CEP63: variants seen among roughly 807,000 people sequenced by gnomAD.
CEP63 encodes centrosomal protein of 63 kDa.
A neutral mutation model predicts 89.1 loss-of-function variants in CEP63; 84 were observed. The observed-to-expected ratio is 0.94, with a 90% CI of 0.79 to 1.13. The LOEUF is 1.13. Ranked by LOEUF, CEP63 falls within the 50% of genes most tolerant of loss-of-function variation. The pLI is 0.00. For missense variants in CEP63, 838 were observed against 813.3 expected (o/e 1.03, Z -0.37); for synonymous variants, 267 against 272.5 (o/e 0.98, Z 0.20).
the CEP63 span, among the ~76,000 whole-genome samples, chr3:134,771,047 A>G: frequency 6.6e-6 from 1 of 152,344 alleles, no homozygotes; most frequent in East Asian, 1.9e-4. Flanking sequence ...AATACATTTG[A>G]ACGAAGTCAA....
chr3:134,667,820 G>C, the CEP63 span, among the ~76,000 whole-genome samples: 4 of 152,190 alleles, frequency 2.6e-5, no homozygotes, highest in African/African-American at 4.8e-5. Flanking sequence ...GAGCCAAGCA[G>C]CTCTGCTGGG....
intron 6 of CEP63, among the ~76,000 whole-genome samples, chr3:134,544,636 T>TAG (rs1553774709): frequency 6.9e-6 from 1 of 145,228 alleles, no homozygotes; most frequent in Non-Finnish European, 1.5e-5. Flanking sequence ...ATGCTCTAGG[T>TAG]GGGGGGGGGA....
the CEP63 span, among the ~76,000 whole-genome samples, chr3:134,658,538 G>A: frequency 6.6e-6 from 1 of 152,108 alleles, no homozygotes; most frequent in Non-Finnish European, 1.5e-5. Flanking sequence ...TATGTTTGTT[G>A]AACACAGAAA....
At chr3:134,580,832 G>A (rs2110327951) in intron 10 of CEP63, among the ~76,000 whole-genome samples, 1 of 152,330 alleles carries the variant, frequency 6.6e-6, no homozygotes, top group Non-Finnish European at 1.5e-5. Flanking sequence ...CCTGCAACCT[G>A]TAATTATCTT....
intron 10 of CEP63, among the ~76,000 whole-genome samples, chr3:134,584,748 A>G (rs4557201): frequency 1 from 151,612 of 152,188 alleles, 75,523 homozygotes; most frequent in Middle Eastern, 1. Flanking sequence ...GTTTCAGAAG[A>G]AATGGTACCA....
intron 12 of CEP63, among the ~76,000 whole-genome samples, chr3:134,554,991 G>T (rs1014022424): frequency 1.3e-5 from 2 of 152,126 alleles, no homozygotes; most frequent in Non-Finnish European, 2.9e-5. Flanking sequence ...TTAGCCCTTT[G>T]TCAGATGAGT....
intron 2 of CEP63, among the ~76,000 whole-genome samples, chr3:134,495,636 A>G (rs1328748151): frequency 2.0e-5 from 3 of 152,176 alleles, no homozygotes; most frequent in Non-Finnish European, 4.4e-5. Flanking sequence ...GTTACATACT[A>G]GTTACTTAGT....
At chr3:134,527,944 C>T (rs1354984380) in intron 3 of CEP63, among the ~76,000 whole-genome samples, 3 of 152,210 alleles carry the variant, frequency 2.0e-5, no homozygotes, top group Non-Finnish European at 2.9e-5. Flanking sequence ...ATGGCTATCC[C>T]TGGCCATGCC....
the CEP63 span, among the ~76,000 whole-genome samples, chr3:134,702,386 C>CAA: frequency 7.6e-5 from 10 of 130,912 alleles, no homozygotes; most frequent in African/African-American, 2.5e-4. Context: ...TATGTGGAAC[C>CAA]AAAAAAAAAA....
At chr3:134,548,939 C>G in intron 9 of CEP63, 123 bp from the exon 10 acceptor site, 1 of 680,544 alleles carries the variant, frequency 1.5e-6, no homozygotes, top group Admixed American at 2.3e-5. Context: ...TTTTAAATGA[C>G]TGAGGTGATG....
downstream of CEP63, among the ~76,000 whole-genome samples, chr3:134,565,297 G>C (rs1394287604): frequency 6.6e-6 from 1 of 152,124 alleles, no homozygotes; most frequent in South Asian, 2.1e-4. Flanking sequence ...ATCTCAACAA[G>C]TGTAGAAAAA....
At chr3:134,539,074 T>C (rs1329436037) in intron 6 of CEP63, among the ~76,000 whole-genome samples, 1 of 152,190 alleles carries the variant, frequency 6.6e-6, no homozygotes, top group Non-Finnish European at 1.5e-5. Flanking sequence ...CATATAAATG[T>C]ATTTATCCTT....
chr3:134,747,689 G>A, the CEP63 span, among the ~76,000 whole-genome samples: 3 of 152,206 alleles, frequency 2.0e-5, no homozygotes, highest in Admixed American at 2.0e-4. Context: ...GAGCAACTCT[G>A]AAGTGTAGTC....
the CEP63 span, among the ~76,000 whole-genome samples, chr3:134,662,104 C>T: frequency 6.6e-6 from 1 of 152,154 alleles, no homozygotes; most frequent in African/African-American, 2.4e-5. Flanking sequence ...GGGTGAAACC[C>T]TGTCTCTACT....
intron 6 of CEP63, among the ~76,000 whole-genome samples, chr3:134,537,859 C>A (rs563264631): frequency 1.1e-4 from 16 of 152,278 alleles, no homozygotes; most frequent in South Asian, 6.2e-4. Context: ...GGTGTGCACA[C>A]CAACTAAAAG....
At chr3:134,537,936 T>C (rs906398176) in intron 6 of CEP63, among the ~76,000 whole-genome samples, 2 of 152,226 alleles carry the variant, frequency 1.3e-5, no homozygotes, top group African/African-American at 4.8e-5. Flanking sequence ...TGTAATGGCT[T>C]AAGCAAAACC....
intron 1 of CEP63, among the ~76,000 whole-genome samples, chr3:134,491,776 C>T (rs776620209): frequency 1.4e-4 from 22 of 152,150 alleles, no homozygotes; most frequent in Admixed American, 9.2e-4. Flanking sequence ...GTAATGAAAA[C>T]GACACCAAGG....
At chr3:134,536,788 A>T in intron 5 of CEP63, 1 of 325,004 alleles carries the variant, frequency 3.1e-6, no homozygotes, top group Non-Finnish European at 6.0e-6. Flanking sequence ...GGATATCTGT[A>T]ATCATACTTT....
the CEP63 span, among the ~76,000 whole-genome samples, chr3:134,720,149 T>C: frequency 6.6e-6 from 1 of 152,152 alleles, no homozygotes; most frequent in African/African-American, 2.4e-5. Flanking sequence ...CTTTTAATTA[T>C]ATCTTCTTAG....
Sources: gnomAD v4.1 joint callset for allele counts (sites outside exome capture counted in the v4.1 genomes callset) on GRCh38, gnomAD v4.1.1 for gene constraint, MANE v1.5 for transcripts, NCBI Gene and HGNC (gene_info 2026-07-23, HGNC 2026-07-21) for gene names.